CD86: variants seen among roughly 807,000 people sequenced by gnomAD.
CD86 encodes T-lymphocyte activation antigen CD86.
In CD86, 11 loss-of-function variants were observed where a neutral mutation model predicts 32.1. That is an observed-to-expected ratio of 0.34 (90% confidence interval 0.22 to 0.57). The LOEUF is 0.57. Ranked by LOEUF, CD86 falls within the 20% of genes least tolerant of loss-of-function variation. The probability of loss-of-function intolerance (pLI) is 0.86; values close to 1 mark genes in which losing one functional copy is unlikely to be tolerated. For missense variants in CD86, 359 were observed against 398.4 expected (o/e 0.90, Z 0.84); for synonymous variants, 137 against 135.3 (o/e 1.01, Z -0.09).
At chr3:122,079,235 A>G (rs1037676092) in intron 1 of CD86, among the ~76,000 whole-genome samples, 3 of 152,162 alleles carry the variant, frequency 2.0e-5, no homozygotes, top group African/African-American at 7.2e-5. Flanking sequence ...TGCATTTGAT[A>G]TTTTGGTTAG....
chr3:122,101,487 G>A (rs1398656876), intron 2 of CD86, among the ~76,000 whole-genome samples: 1 of 115,404 alleles, frequency 8.7e-6, no homozygotes, highest in East Asian at 2.7e-4. Context: ...ATACTGTGAG[G>A]CTCTACAGAA....
At chr3:122,067,390 A>G (rs2072430351) in intron 1 of CD86, among the ~76,000 whole-genome samples, 1 of 152,236 alleles carries the variant, frequency 6.6e-6, no homozygotes, top group African/African-American at 2.4e-5. Context: ...CAATGAATTG[A>G]AAGTGGATGG....
chr3:122,064,575 T>C lies in CD86; in HGVS notation c.14+9072T>C, dbSNP rs138297977. 7.8e-3 allele frequency among the ~76,000 whole-genome samples: 1,184 copies of C among 152,316 alleles called. 21 individuals carry two copies. The highest frequency in any genetic ancestry group is 0.027 in the African/African-American group (1,131 of 41,562). On this transcript the variant is annotated intron_variant, in intron 1 of 6. Coordinates refer to ENST00000330540, the MANE Select transcript of CD86 (RefSeq NM_175862.5). ...AGGCGAGCCCCATTTCAAGAAGTGC[T>C]TCTGGTCACCACTCTGTTGTCCTGT...
At chr3:122,057,581 G>A (rs1232938337) in intron 1 of CD86, among the ~76,000 whole-genome samples, 1 of 152,054 alleles carries the variant, frequency 6.6e-6, no homozygotes, top group Non-Finnish European at 1.5e-5. Context: ...AATCCCATCT[G>A]TAGGCAGAAA....
At chr3:122,110,524 T>C (rs573024452) in intron 5 of CD86, among the ~76,000 whole-genome samples, 1 of 152,216 alleles carries the variant, frequency 6.6e-6, no homozygotes. Flanking sequence ...TGTTTTTCAG[T>C]ATACTGATTT....
chr3:122,115,797 T>C (rs1235729156), intron 5 of CD86, among the ~76,000 whole-genome samples: 1 of 149,720 alleles, frequency 6.7e-6, no homozygotes, highest in Non-Finnish European at 1.5e-5. Flanking sequence ...CTACCTAATT[T>C]CAATATTTAC....
intron 4 of CD86, among the ~76,000 whole-genome samples, chr3:122,108,256 C>G (rs893203788): frequency 6.6e-6 from 1 of 152,194 alleles, no homozygotes; most frequent in Non-Finnish European, 1.5e-5. Flanking sequence ...ATCGCTTGAT[C>G]AGAGATAGGT....
At chr3:122,063,540 G>A (rs1026541891) in intron 1 of CD86, among the ~76,000 whole-genome samples, 1 of 151,808 alleles carries the variant, frequency 6.6e-6, no homozygotes, top group Admixed American at 6.6e-5. Flanking sequence ...TCCACAGAAT[G>A]TGTGTTTTAT....
Position 122,121,133 on chromosome 3 carries a change from T to C in CD86, c.*1599T>C, listed in dbSNP as rs1007279432. The stretch of plus-strand genomic sequence containing the variant: ...CAGTTTTTAATAAATGCTTGTTACA[T>C]TCATTTAAAAGTCTACATTTTCTGC... On this transcript the variant is annotated 3_prime_UTR_variant, in exon 7 of 7. Transcript: ENST00000330540. The C allele has an allele frequency of 3.9e-5, 6 of 152,274 alleles. No individual in the cohort carries two copies. Among genetic ancestry groups the C allele is most frequent in the Admixed American group, 3.9e-4 (6 of 15,290 alleles). 9.4% of individuals were successfully genotyped at this position (152,274 alleles called of 1,614,324 possible). A position where few individuals can be genotyped will look rare whatever the true frequency, so the allele number is the denominator to read the frequency against.
At chr3:122,105,741 T>C (rs1235737038) in intron 3 of CD86, among the ~76,000 whole-genome samples, 4 of 152,244 alleles carry the variant, frequency 2.6e-5, no homozygotes, top group East Asian at 1.9e-4. Flanking sequence ...CTGAAAGATA[T>C]GACGCAGGGC....
chr3:122,066,313 T>C (rs1247389999), intron 1 of CD86, among the ~76,000 whole-genome samples: 1 of 152,142 alleles, frequency 6.6e-6, no homozygotes, highest in Non-Finnish European at 1.5e-5. Flanking sequence ...AATGAAGAAA[T>C]ATCAAGTGCA....
intron 5 of CD86, among the ~76,000 whole-genome samples, chr3:122,116,850 T>G (rs1240050132): frequency 6.6e-6 from 1 of 152,110 alleles, no homozygotes; most frequent in East Asian, 1.9e-4. Context: ...CAAAACTATT[T>G]TAAGTAGATT....
At chr3:122,056,370 C>G (rs2072236641) in intron 1 of CD86, among the ~76,000 whole-genome samples, 1 of 152,142 alleles carries the variant, frequency 6.6e-6, no homozygotes, top group East Asian at 1.9e-4. Context: ...GAGTCTCGCT[C>G]TGTCGCCAAG....
chr3:122,084,272 C>A (rs1171013532), intron 1 of CD86, among the ~76,000 whole-genome samples: 12 of 152,236 alleles, frequency 7.9e-5, no homozygotes, highest in Admixed American at 2.6e-4. Context: ...CAAGCATGAG[C>A]CACCACACCT....
At chr3:122,088,275 T>C (rs999680449) in intron 1 of CD86, among the ~76,000 whole-genome samples, 1 of 151,874 alleles carries the variant, frequency 6.6e-6, no homozygotes. Flanking sequence ...ATTTTGAGTA[T>C]GACCATCTTT....
chr3:122,067,586 C>G (rs1421142764), intron 1 of CD86, among the ~76,000 whole-genome samples: 1 of 152,204 alleles, frequency 6.6e-6, no homozygotes, highest in Admixed American at 6.5e-5. Context: ...AAATGCAACT[C>G]AAATGCAATA....
chr3:122,114,147 AG>A (rs149504282), intron 5 of CD86, among the ~76,000 whole-genome samples: 1,585 of 152,152 alleles, frequency 0.01, 39 homozygotes, highest in African/African-American at 0.036. Flanking sequence ...GCTACTTGGG[AG>A]GCTGAGAGAG....
chr3:122,082,426 T>C (rs916507089), intron 1 of CD86, among the ~76,000 whole-genome samples: 4 of 152,248 alleles, frequency 2.6e-5, no homozygotes, highest in Non-Finnish European at 5.9e-5. Flanking sequence ...TCATTTGACA[T>C]AATTTCATTA....
rs187766145 is a variant in CD86 at position 122,093,749 on chromosome 3, A to G, written c.64+2099A>G. On this transcript the variant is annotated intron_variant, in intron 2 of 6. Coordinates refer to ENST00000330540, the MANE Select transcript of CD86 (RefSeq NM_175862.5). ...CCTGGTACTGTTCTAAGTACCTCAT[A>G]AATATTAACTCATTTGAGCCTCACA... 1.8e-4 allele frequency among the ~76,000 whole-genome samples: 28 copies of G among 152,280 alleles called. No individual in the cohort carries two copies. The East Asian group carries it at 5.4e-3, about 29-fold the overall frequency.
Sources: allele counts gnomAD v4.1 joint callset (sites outside exome capture counted in the v4.1 genomes callset), GRCh38; gene constraint gnomAD v4.1.1; transcripts MANE v1.5; gene names NCBI Gene and HGNC (gene_info 2026-07-23, HGNC 2026-07-21).